The following DENND2D variants were observed in gnomAD, a reference collection of about 807,000 sequenced individuals.
DENND2D encodes the protein DENN domain containing 2D.
In DENND2D, 37 loss-of-function variants were observed where a neutral mutation model predicts 59.8. The ratio of observed to expected loss-of-function variants is 0.62; its 90% confidence interval spans 0.48 to 0.81. The LOEUF is 0.81. DENND2D is among the 40% of genes least tolerant of loss of function. The pLI, the probability that DENND2D is intolerant of heterozygous loss-of-function variation, is 0.00. For synonymous variants in DENND2D, 219 were observed against 211.3 expected, an observed-to-expected ratio of 1.04 and a Z score of -0.31; for missense variants, 525 against 579.7, an observed-to-expected ratio of 0.91 and a Z score of 0.97.
intron 7 of DENND2D, among the ~76,000 whole-genome samples, chr1:111,194,251 C>T (rs1346698290): frequency 6.6e-6 from 1 of 152,190 alleles, no homozygotes; most frequent in Non-Finnish European, 1.5e-5. Context: ...GCCCTGTTCT[C>T]CACCCTCCCT....
At chr1:111,198,033 T>TGG (rs1658414915) in intron 3 of DENND2D, 44 bp from the exon 4 acceptor site, 1 of 1,597,092 alleles carries the variant, frequency 6.3e-7, no homozygotes, top group Non-Finnish European at 8.6e-7. Flanking sequence ...GCTCACTGAA[T>TGG]CCTAAAACAG....
At chr1:111,195,650 C>T (rs906188619) in intron 6 of DENND2D, 3 of 392,770 alleles carry the variant, frequency 7.6e-6, no homozygotes, top group Non-Finnish European at 1.4e-5. Flanking sequence ...CTTTATAGCA[C>T]CAGAAGCCTC....
rs1051882727 is a variant in DENND2D at position 111,189,093 on chromosome 1, A to G, written c.1014+119T>C. ...TCCTTGAGAGAGATGTGGTCTTTTT[A>G]GCACAGATTCTCACTCAACAAAGAA... On this transcript the variant is annotated intron_variant, in intron 9 of 11. Coordinates refer to ENST00000357640, the MANE Select transcript of DENND2D (RefSeq NM_024901.5). 7 of 1,205,128 alleles carry G rather than the reference A, an allele frequency of 5.8e-6. No individual in the cohort carries two copies. The African/African-American group carries it at 9.0e-5, about 16-fold the overall frequency. The allele number at this position is 1,205,128 out of a possible 1,614,324, so 74.7% of individuals were successfully genotyped here. A position where few individuals can be genotyped will look rare whatever the true frequency, so the allele number is the denominator to read the frequency against.
chr1:111,199,814 A>T lies in DENND2D; in HGVS notation c.68-16T>A. 1 of 1,608,520 alleles carries T rather than the reference A, an allele frequency of 6.2e-7. No individual in the cohort carries two copies. Among genetic ancestry groups the T allele is most frequent in the South Asian group, 1.1e-5 (1 of 90,484 alleles). ...TGGGGTGGTCCTGAAATCAAGCCAG[A>T]GCCCATTTAGTATAATCTCATTGAT... On this transcript the variant is annotated splice_polypyrimidine_tract_variant and intron_variant, in intron 1 of 11. Transcript: ENST00000357640.
rs781080117 is a variant in DENND2D at position 111,199,671 on chromosome 1, C to A, written c.195G>T (p.Lys65Asn). 1.4e-5 allele frequency: 22 copies of A among 1,614,122 alleles called. No homozygotes were observed. Among genetic ancestry groups the A allele is most frequent in the Middle Eastern group, 1.6e-4 (1 of 6,062 alleles). The change falls in exon 2 of 12, where the codon AAG (lysine) becomes AAT (asparagine). Residue 65 changes from lysine to asparagine, a missense_variant. Physicochemically the swap from Lys to Asn is moderately conservative, Grantham distance 94 (BLOSUM62 0). This residue lies in a region of DENND2D where 253 missense variants were observed against 246.4 expected (regional missense o/e 1.03). Coordinates refer to ENST00000357640, the MANE Select transcript of DENND2D (RefSeq NM_024901.5). The stretch of plus-strand genomic sequence containing the variant: ...TAGGCTCGTAATCATCCTCTGAACG[C>A]TTCTTTTTGAGAGAAACCACAAGAA... ...EYLLVVSLKK[K>N]RSEDDYEPII...
Position 111,188,303 on chromosome 1 carries a change from A to G in DENND2D, c.1167T>C (p.His389=). ...CCTCCCGCTTGATATAGGAAGCATA[A>G]TGGCCCACAATCTTGACAAAGAACT... The part of the protein sequence containing the change: ...FVQFFVKIVG[H]YASYIKREAN... Residue 389 remains histidine (H), a synonymous_variant, in exon 11 of 12, where the codon CAT becomes CAC. Coordinates refer to ENST00000357640, the MANE Select transcript of DENND2D (RefSeq NM_024901.5). 1.2e-6 allele frequency: 2 copies of G among 1,614,156 alleles called. No homozygotes were observed. The highest frequency in any genetic ancestry group is 1.7e-6 in the Non-Finnish European group (2 of 1,180,036).
At chr1:111,190,039 C>CT (rs1352670883) in intron 8 of DENND2D, among the ~76,000 whole-genome samples, 2 of 152,042 alleles carry the variant, frequency 1.3e-5, no homozygotes, top group Non-Finnish European at 2.9e-5. Context: ...TGGCGGGCGC[C>CT]TGTAGTCCCA....
At chr1:111,203,948 G>C (rs1021148435), upstream of DENND2D, among the ~76,000 whole-genome samples, 3 of 152,114 alleles carry the variant, frequency 2.0e-5, no homozygotes, top group Non-Finnish European at 2.9e-5. Flanking sequence ...GTGCCTCTGG[G>C]AGGACACCAC....
At chr1:111,204,193 T>C, upstream of DENND2D, 1 of 1,255,492 alleles carries the variant, frequency 8.0e-7, no homozygotes, top group Non-Finnish European at 1.0e-6. Flanking sequence ...CTCCCGGATC[T>C]CGACGCCCCG....
intron 6 of DENND2D, 108 bp downstream of exon 6, chr1:111,195,808 T>C (rs1658172342): frequency 6.6e-6 from 10 of 1,512,696 alleles, no homozygotes; most frequent in Non-Finnish European, 9.1e-7. Context: ...CCCATCTGGC[T>C]CAGTTTCTCT....
chr1:111,200,106 C>T lies in DENND2D; in HGVS notation c.67+287G>A, dbSNP rs1239270166. 4.5e-5 allele frequency: 25 copies of T among 558,316 alleles called. No homozygotes were observed. In the Admixed American group the frequency reaches 4.6e-4, roughly 10 times the overall value. 34.6% of individuals were successfully genotyped at this position (558,316 alleles called of 1,614,324 possible). A position where few individuals can be genotyped will look rare whatever the true frequency, so the allele number is the denominator to read the frequency against. The stretch of plus-strand genomic sequence containing the variant: ...CAGGGTACCACAGAGACTGCCTAAC[C>T]TGTCGGGTGCTTCTGGCAGTCCTGG... On this transcript the variant is annotated intron_variant, in intron 1 of 11. Transcript: ENST00000357640.
At chr1:111,194,518 G>T (rs1658040758) in intron 7 of DENND2D, 60 bp downstream of exon 7, 10 of 1,587,172 alleles carry the variant, frequency 6.3e-6, no homozygotes, top group Middle Eastern at 4.2e-4. Context: ...CCTCCAGTCT[G>T]TTCCCTTGAA....
At chr1:111,188,937 C>A in intron 9 of DENND2D, 151 bp from the exon 10 acceptor site, 1 of 752,558 alleles carries the variant, frequency 1.3e-6, no homozygotes, top group African/African-American at 1.7e-5. Context: ...TGTTTCTTGG[C>A]CTTTAGTTTG....
chr1:111,187,399 A>C lies in DENND2D; in HGVS notation c.*206T>G. 1.7e-6 allele frequency: 1 copy of C among 572,032 alleles called. No homozygotes were observed. 35.4% of individuals were successfully genotyped at this position (572,032 alleles called of 1,614,324 possible). A position where few individuals can be genotyped will look rare whatever the true frequency, so the allele number is the denominator to read the frequency against. Reference sequence around the variant, plus strand: ...GAGCTCTGAGCCCAGTTCTGTGAGCATGGTGTCAGAGCCCTCCAAAGTCCT... The same window carrying C: ...GAGCTCTGAGCCCAGTTCTGTGAGCCTGGTGTCAGAGCCCTCCAAAGTCCT... On this transcript the variant is annotated 3_prime_UTR_variant, in exon 12 of 12. Transcript: ENST00000357640.
At chr1:111,203,546 C>A (rs2101520156), upstream of DENND2D, among the ~76,000 whole-genome samples, 1 of 152,382 alleles carries the variant, frequency 6.6e-6, no homozygotes, top group South Asian at 2.1e-4. Context: ...TCCTTCCAAC[C>A]CCAGGGCTCT....
Position 111,194,706 on chromosome 1 carries a change from G to C in DENND2D, c.666C>G (p.Pro222=). The C allele has an allele frequency of 2.5e-6, 4 of 1,614,000 alleles. No individual in the cohort carries two copies. The highest frequency in any genetic ancestry group is 3.4e-6 in the Non-Finnish European group (4 of 1,179,980). ...SGTEFISLTR[P]LDSHLEHVDF... ...CCACATGTTCTAGGTGGGAGTCCAG[G>C]GGCCGTGTCAGTGAAATGAACTGTG... Residue 222 remains proline (P), a synonymous_variant, in exon 7 of 12, where the codon CCC becomes CCG. Transcript: ENST00000357640.
chr1:111,203,729 G>T (rs1265871403), upstream of DENND2D, among the ~76,000 whole-genome samples: 4 of 152,234 alleles, frequency 2.6e-5, no homozygotes, highest in African/African-American at 9.6e-5. Context: ...AGGTTCTACC[G>T]CCGCTCCGCT....
chr1:111,201,365 G>A (rs1658782524), upstream of DENND2D: 1 of 152,252 alleles, frequency 6.6e-6, no homozygotes, highest in Admixed American at 6.5e-5. Context: ...CACTGGCTCA[G>A]AAGACTGTCC....
In DENND2D at chr1:111,199,685, A is replaced by G; in HGVS notation, c.181T>C (p.Ser61Pro). ...QHFFEYLLVV[S>P]LKKKRSEDDY... ...TCCTCTGAACGCTTCTTTTTGAGAG[A>G]AACCACAAGAAGGTATTCAAAGAAG... Residue 61 changes from serine to proline, a missense_variant, in exon 2 of 12, where the codon TCT (serine) becomes CCT (proline). This residue lies in a region of DENND2D where 253 missense variants were observed against 246.4 expected (regional missense o/e 1.03). Coordinates refer to ENST00000357640, the MANE Select transcript of DENND2D (RefSeq NM_024901.5). 6.2e-7 allele frequency: 1 copy of G among 1,614,082 alleles called. No homozygotes were observed. The highest frequency in any genetic ancestry group is 8.5e-7 in the Non-Finnish European group (1 of 1,180,000).
Sources: allele counts gnomAD v4.1 joint callset (sites outside exome capture counted in the v4.1 genomes callset), GRCh38; gene constraint gnomAD v4.1.1; regional missense constraint gnomAD v4.1.1; transcripts MANE v1.5; gene names NCBI Gene and HGNC (gene_info 2026-07-23, HGNC 2026-07-21).